The following ANK2 variants were observed in gnomAD, a reference collection of about 807,000 sequenced individuals.
ANK2 encodes the protein ankyrin-2.
ANK2 carries 83 observed loss-of-function variants against 360.5 expected under a neutral mutation model. The ratio of observed to expected loss-of-function variants is 0.23; its 90% CI spans 0.19 to 0.28. The LOEUF (loss-of-function observed/expected upper bound fraction) is 0.28, where lower values mean the gene tolerates loss of function less well. Among genes scored for constraint, ANK2 ranks in the 10% least tolerant of loss-of-function variants. The probability of loss-of-function intolerance (pLI) is 1.00; values close to 1 mark genes in which losing one functional copy is unlikely to be tolerated. For missense variants in ANK2, 4,201 were observed against 4,795.7 expected, an observed-to-expected ratio of 0.88 and a Z score of 3.66; for synonymous variants, 1,740 against 1,759.5, an observed-to-expected ratio of 0.99 and a Z score of 0.28.
At chr4:113,163,755 A>C (rs2097641209) in intron 1 of ANK2, among the ~76,000 whole-genome samples, 1 of 133,512 alleles carries the variant, frequency 7.5e-6, no homozygotes, top group Non-Finnish European at 1.6e-5. Context: ...CAAGAGTGAA[A>C]CTTCGTCTCA....
At chr4:112,856,740 A>G (rs1470752442) in intron 1 of ANK2, among the ~76,000 whole-genome samples, 4 of 152,268 alleles carry the variant, frequency 2.6e-5, no homozygotes, top group Admixed American at 2.6e-4. Context: ...AAAACAAAAA[A>G]GTGTATTATT....
the ANK2 span, among the ~76,000 whole-genome samples, chr4:112,712,494 G>A: frequency 0.014 from 2,046 of 141,638 alleles, 36 homozygotes; most frequent in East Asian, 0.056. Context: ...TGCAAGCTCC[G>A]CCTCCCGGGT....
chr4:113,183,507 G>A (rs1162168177), intron 2 of ANK2, among the ~76,000 whole-genome samples: 1 of 152,116 alleles, frequency 6.6e-6, no homozygotes, highest in Non-Finnish European at 1.5e-5. Context: ...ATGCATATAA[G>A]GTAATGAATA....
intron 2 of ANK2, among the ~76,000 whole-genome samples, chr4:112,924,849 T>C (rs1282694026): frequency 6.7e-6 from 1 of 148,790 alleles, no homozygotes; most frequent in Non-Finnish European, 1.5e-5. Context: ...TTTTTTTTTT[T>C]TTTTTTTGAG....
the ANK2 span, among the ~76,000 whole-genome samples, chr4:112,723,037 C>A: frequency 2.6e-5 from 4 of 152,128 alleles, no homozygotes; most frequent in Non-Finnish European, 5.9e-5. Flanking sequence ...TGTATTGAGT[C>A]TGGGCTCATT....
chr4:112,861,239 C>A (rs1268465996), intron 1 of ANK2, among the ~76,000 whole-genome samples: 1 of 152,200 alleles, frequency 6.6e-6, no homozygotes, highest in African/African-American at 2.4e-5. Context: ...GGGCTACACT[C>A]AAGCTCTTGG....
chr4:113,327,905 G>A (rs956098247), intron 26 of ANK2, among the ~76,000 whole-genome samples: 2 of 152,180 alleles, frequency 1.3e-5, no homozygotes, highest in Admixed American at 6.5e-5. Context: ...CAAAAAGAGA[G>A]TTTCAAGAGA....
chr4:113,226,067 A>G (rs923916772), intron 4 of ANK2, among the ~76,000 whole-genome samples: 1 of 152,238 alleles, frequency 6.6e-6, no homozygotes, highest in Non-Finnish European at 1.5e-5. Context: ...AATGAAGAGT[A>G]AATTACATTT....
At chr4:113,044,915 A>G (rs1293714676), upstream of ANK2, among the ~76,000 whole-genome samples, 1 of 152,196 alleles carries the variant, frequency 6.6e-6, no homozygotes, top group African/African-American at 2.4e-5. Flanking sequence ...AGGAAAAAAA[A>G]ATGCTTTGGT....
chr4:112,821,927 C>T (rs2057171550), intron 1 of ANK2, among the ~76,000 whole-genome samples: 1 of 151,878 alleles, frequency 6.6e-6, no homozygotes, highest in African/African-American at 2.4e-5. Flanking sequence ...GCCACCACGC[C>T]CAGCTAACTT....
chr4:112,981,968 C>G (rs751117147), intron 2 of ANK2, among the ~76,000 whole-genome samples: 31 of 152,156 alleles, frequency 2.0e-4, no homozygotes, highest in Non-Finnish European at 4.3e-4. Flanking sequence ...TAGTCCCTAT[C>G]AACATGATGT....
intron 38 of ANK2, among the ~76,000 whole-genome samples, chr4:113,359,732 A>G (rs532871783): frequency 1.3e-5 from 2 of 152,330 alleles, no homozygotes; most frequent in African/African-American, 4.8e-5. Context: ...TTGTACTTAC[A>G]ATTTTGTAAT....
intron 34 of ANK2, among the ~76,000 whole-genome samples, chr4:113,345,243 C>T (rs553812029): frequency 5.5e-4 from 84 of 152,120 alleles, no homozygotes; most frequent in Middle Eastern, 3.4e-3. Context: ...AATAGGCAAA[C>T]GTATAGAGAC....
At chr4:112,932,360 C>T (rs904756696) in intron 2 of ANK2, among the ~76,000 whole-genome samples, 8 of 151,972 alleles carry the variant, frequency 5.3e-5, no homozygotes, top group Admixed American at 1.3e-4. Flanking sequence ...GGTGTGGTGG[C>T]GCGTGCCTGT....
At position 113,356,397 on chromosome 4, in the gene ANK2, C is replaced by A; in HGVS notation, c.7779C>A (p.Thr2593=). 2 of 1,614,042 alleles carry A rather than the reference C, an allele frequency of 1.2e-6. No individual in the cohort carries two copies. Among genetic ancestry groups the A allele is most frequent in the South Asian group, 1.1e-5 (1 of 91,056 alleles). Residue 2593 remains threonine, a synonymous_variant, in exon 38 of 46, where the codon ACC becomes ACA. Transcript: ENST00000357077. ...TPEEEMFKMV[T]KIKMFDELEQ... ...AAGAGGAGATGTTTAAAATGGTAAC[C>A]AAAATCAAAATGTTTGATGAACTTG...
chr4:113,280,381 G>T (rs2061832810), intron 17 of ANK2, among the ~76,000 whole-genome samples: 1 of 152,172 alleles, frequency 6.6e-6, no homozygotes, highest in Non-Finnish European at 1.5e-5. Flanking sequence ...GAGTTCAGAA[G>T]ATGACATAAA....
At chr4:113,350,299 A>G (rs746163422) in intron 37 of ANK2, 50 bp downstream of exon 37, 4 of 1,531,694 alleles carry the variant, frequency 2.6e-6, no homozygotes, top group Non-Finnish European at 3.6e-6. Context: ...CTACCATAAA[A>G]AGAAGCATGA....
intron 1 of ANK2, among the ~76,000 whole-genome samples, chr4:112,892,030 G>A (rs1014338637): frequency 6.6e-6 from 1 of 152,144 alleles, no homozygotes; most frequent in Non-Finnish European, 1.5e-5. Context: ...TAAAAGTATA[G>A]TGGTGGGCTA....
rs111488663 is a variant in ANK2 at position 113,249,437 on chromosome 4, T to C, written c.892-327T>C. 3.9e-4 allele frequency among the ~76,000 whole-genome samples: 59 copies of C among 152,316 alleles called. 1 individual carries two copies. The highest frequency in any genetic ancestry group is 1.4e-3 in the African/African-American group (58 of 41,572). ...TTCAACAAATGCCACATACTGTGCT[T>C]TCCCATCTTCTTGAATACGCAGACA... On this transcript the variant is annotated intron_variant, in intron 9 of 45. Coordinates refer to ENST00000357077, the MANE Select transcript of ANK2 (RefSeq NM_001148.6).
Sources: gnomAD v4.1 joint callset for allele counts (sites outside exome capture counted in the v4.1 genomes callset) on GRCh38, gnomAD v4.1.1 for gene constraint, MANE v1.5 for transcripts, NCBI Gene and HGNC (gene_info 2026-07-23, HGNC 2026-07-21) for gene names.